Variants in GRIP1 observed in about 807,000 individuals in gnomAD.
The protein encoded by GRIP1 is glutamate receptor interacting protein 1.
Under a neutral mutation model 129.9 loss-of-function variants are expected in GRIP1, and 45 were observed. That is an observed-to-expected ratio of 0.35 (90% CI 0.27 to 0.44). The LOEUF is 0.44. GRIP1 is among the 20% of genes least tolerant of loss of function. The pLI is 1.00. For missense variants in GRIP1, 1,196 were observed against 1,396.8 expected, an observed-to-expected ratio of 0.86 and a Z score of 2.29; for synonymous variants, 530 against 520.8, an observed-to-expected ratio of 1.02 and a Z score of -0.24.
At chr12:66,902,367 A>G (rs1306379788) in intron 1 of GRIP1, among the ~76,000 whole-genome samples, 1 of 152,216 alleles carries the variant, frequency 6.6e-6, no homozygotes, top group East Asian at 1.9e-4. Flanking sequence ...TTCCTTTACA[A>G]TGTGACATTA....
chr12:66,774,142 G>A (rs1387409898), intron 1 of GRIP1, among the ~76,000 whole-genome samples: 1 of 152,100 alleles, frequency 6.6e-6, no homozygotes, highest in East Asian at 1.9e-4. Context: ...TGCTTGAAAA[G>A]TGACTTTCAG....
At chr12:67,037,144 C>T (rs4329750) in intron 1 of GRIP1, among the ~76,000 whole-genome samples, 34,921 of 151,724 alleles carry the variant, frequency 0.23, 4,591 homozygotes, top group Non-Finnish European at 0.28. Flanking sequence ...CTGGCTAACA[C>T]GGTGAAACAC....
rs36142878 is a variant in GRIP1, at chr12:66,715,452, A to ATGTGTGTGTGTGTGTGTGTGTGTG, written c.-419-85117_-419-85116insCACACACACACACACACACACACA. 3.9e-3 allele frequency among the ~76,000 whole-genome samples: 284 copies of ATGTGTGTGTGTGTGTGTGTGTGTG among 72,974 alleles called. 24 individuals are homozygous for ATGTGTGTGTGTGTGTGTGTGTGTG. Among genetic ancestry groups the ATGTGTGTGTGTGTGTGTGTGTGTG allele is most frequent in the East Asian group, 7.1e-3 (16 of 2,244 alleles). The allele number at this position is 72,974 out of a possible 152,430, so 47.9% of individuals were successfully genotyped here. On this transcript the variant is annotated intron_variant, in intron 1 of 4. Coordinates refer to the GRIP1 transcript ENST00000538373. Reference sequence around the variant, plus strand: ...TGCCACAGCAATGAATTGTAGCTTGATGTGTGTGTGTGTGTGTGTGAGAGA... The same window carrying ATGTGTGTGTGTGTGTGTGTGTGTG: ...TGCCACAGCAATGAATTGTAGCTTGATGTGTGTGTGTGTGTGTGTGTGTGTGTGTGTGTGTGTGTGTGTGAGAGA...
chr12:66,827,363 GGT>G lies in GRIP1; in HGVS notation c.59-230438_59-230437del, dbSNP rs34267289. ...GAGGTTGCTCACTTACTCAAAACCAGGTGTGTGTGTGTGTGTGTGTGTGTGAG... is the reference window on the plus strand; with the variant it reads ...GAGGTTGCTCACTTACTCAAAACCAGGTGTGTGTGTGTGTGTGTGTGTGAG... On this transcript the variant is annotated intron_variant, in intron 1 of 1. Transcript: ENST00000643019. Among the ~76,000 whole-genome samples, 198 of 137,902 alleles carry G rather than the reference GGT, an allele frequency of 1.4e-3. 2 individuals carry two copies. Among genetic ancestry groups the G allele is most frequent in the African/African-American group, 5.0e-3 (190 of 37,700 alleles). The allele number at this position is 137,902 out of a possible 152,430, so 90.5% of individuals were successfully genotyped here.
intron 1 of GRIP1, among the ~76,000 whole-genome samples, chr12:66,983,673 T>C (rs2042270285): frequency 6.6e-6 from 1 of 152,236 alleles, no homozygotes; most frequent in African/African-American, 2.4e-5. Flanking sequence ...GTTGTATCTA[T>C]GTTTTCGAAA....
At chr12:66,554,872 C>T (rs751979872) in intron 2 of GRIP1, among the ~76,000 whole-genome samples, 6 of 152,140 alleles carry the variant, frequency 3.9e-5, no homozygotes, top group Non-Finnish European at 7.3e-5. Context: ...AGTTCAGCTG[C>T]AGTAGAATAG....
At chr12:66,599,385 G>A (rs551887699) in intron 1 of GRIP1, among the ~76,000 whole-genome samples, 1 of 152,306 alleles carries the variant, frequency 6.6e-6, no homozygotes, top group South Asian at 2.1e-4. Context: ...TTGATCATCA[G>A]AGTTAAGGAG....
At chr12:66,377,086 A>C in intron 21 of GRIP1, 25 bp from the exon 22 acceptor site, 1 of 1,605,010 alleles carries the variant, frequency 6.2e-7, no homozygotes, top group Non-Finnish European at 8.5e-7. Flanking sequence ...AAAGCTTTTA[A>C]ATGAACTGGT....
At chr12:66,470,899 A>C (rs1325219471) in intron 7 of GRIP1, among the ~76,000 whole-genome samples, 1 of 100,142 alleles carries the variant, frequency 1.0e-5, no homozygotes, top group Non-Finnish European at 2.7e-5. Flanking sequence ...GGATTCAGAA[A>C]AGCCTAAAGT....
At chr12:66,632,411 T>C (rs1181060349) in intron 1 of GRIP1, among the ~76,000 whole-genome samples, 1 of 152,196 alleles carries the variant, frequency 6.6e-6, no homozygotes, top group Non-Finnish European at 1.5e-5. Flanking sequence ...GATCTAGTTA[T>C]TGGGCTTGGA....
chr12:66,440,859 C>A (rs969136759), intron 13 of GRIP1, among the ~76,000 whole-genome samples: 14 of 152,182 alleles, frequency 9.2e-5, no homozygotes, highest in Admixed American at 7.9e-4. Context: ...GCAAAATTGA[C>A]CCCAGTTGAG....
chr12:66,894,637 C>T (rs2040715759), intron 1 of GRIP1, among the ~76,000 whole-genome samples: 1 of 152,080 alleles, frequency 6.6e-6, no homozygotes, highest in African/African-American at 2.4e-5. Context: ...TCCTCATATG[C>T]CCAGGACTGC....
intron 1 of GRIP1, among the ~76,000 whole-genome samples, chr12:67,047,324 A>G (rs1315438994): frequency 1.3e-5 from 2 of 152,230 alleles, no homozygotes; most frequent in Non-Finnish European, 2.9e-5. Flanking sequence ...AAAATTTGAG[A>G]CACAGCAAAA....
intron 1 of GRIP1, among the ~76,000 whole-genome samples, chr12:66,675,430 G>A (rs115774312): frequency 1.2e-3 from 190 of 152,228 alleles, no homozygotes; most frequent in African/African-American, 4.4e-3. Context: ...CTCTGCATAT[G>A]AGGCCAAACT....
intron 2 of GRIP1, among the ~76,000 whole-genome samples, chr12:66,584,182 C>T (rs2063518477): frequency 6.7e-6 from 1 of 149,386 alleles, no homozygotes; most frequent in South Asian, 2.1e-4. Flanking sequence ...ACCGCATATT[C>T]TCACTCATAG....
chr12:66,506,797 A>T (rs890787096), intron 7 of GRIP1, among the ~76,000 whole-genome samples: 1 of 152,338 alleles, frequency 6.6e-6, no homozygotes, highest in African/African-American at 2.4e-5. Context: ...TATCTCCAGA[A>T]ACATAGTAAG....
intron 1 of GRIP1, among the ~76,000 whole-genome samples, chr12:66,934,211 A>T (rs1329159359): frequency 6.6e-6 from 1 of 152,302 alleles, no homozygotes; most frequent in East Asian, 1.9e-4. Flanking sequence ...TTTCTCAAGC[A>T]CATCATGCAA....
At chr12:66,379,062 C>T (rs1297870384) in intron 20 of GRIP1, among the ~76,000 whole-genome samples, 1 of 152,236 alleles carries the variant, frequency 6.6e-6, no homozygotes, top group East Asian at 1.9e-4. Context: ...CTACTGTTTT[C>T]GTTAGGGGAA....
Position 66,494,089 on chromosome 12 carries a change from A to G in GRIP1, c.724+21530T>C, listed in dbSNP as rs189749283. 2.6e-3 allele frequency among the ~76,000 whole-genome samples: 403 copies of G among 152,300 alleles called. 2 individuals carry two copies. Among genetic ancestry groups the G allele is most frequent in the Non-Finnish European group, 3.8e-3 (256 of 68,024 alleles). On this transcript the variant is annotated intron_variant, in intron 7 of 24. Transcript: ENST00000359742. ...TTGAATCAATAAAAATACCTGAATGATTAAACAAGAGTAGATAATTAATTC... is the reference window on the plus strand; with the variant it reads ...TTGAATCAATAAAAATACCTGAATGGTTAAACAAGAGTAGATAATTAATTC...
Sources: allele counts gnomAD v4.1 joint callset (sites outside exome capture counted in the v4.1 genomes callset), GRCh38; gene constraint gnomAD v4.1.1; transcripts MANE v1.5; gene names NCBI Gene and HGNC (gene_info 2026-07-23, HGNC 2026-07-21).